MYO19: variants seen among roughly 807,000 people sequenced by gnomAD.
The protein encoded by MYO19 is myosin XIX.
Under a neutral mutation model 129.2 loss-of-function variants are expected in MYO19, and 132 were observed. The ratio of observed to expected loss-of-function variants is 1.02; its 90% CI spans 0.89 to 1.18. MYO19 has a LOEUF of 1.18. Among genes scored for constraint, MYO19 ranks in the 50% most tolerant of loss-of-function variants. The pLI, the probability that MYO19 is intolerant of heterozygous loss-of-function variation, is 0.00. For missense variants in MYO19, 1,210 were observed against 1,216.7 expected (o/e 0.99, Z 0.08); for synonymous variants, 531 against 477.2 (o/e 1.11, Z -1.47).
chr17:36,511,289 C>T, intron 12 of MYO19, 76 bp downstream of exon 12: 1 of 1,476,710 alleles, frequency 6.8e-7, no homozygotes, highest in Non-Finnish European at 9.3e-7. Flanking sequence ...TTTCACCATC[C>T]AGCCTTCCAC....
At chr17:36,539,946 A>T (rs1361636198) in intron 2 of MYO19, among the ~76,000 whole-genome samples, 1 of 149,316 alleles carries the variant, frequency 6.7e-6, no homozygotes, top group African/African-American at 2.5e-5. Context: ...ATAAAGTCTT[A>T]TGTGTCTGGG....
At chr17:36,513,017 G>A (rs2072471668) in intron 11 of MYO19, 3 of 977,618 alleles carry the variant, frequency 3.1e-6, no homozygotes, top group Non-Finnish European at 2.6e-6. Context: ...TACCTCTCTG[G>A]TTTTCTCAGG....
At position 36,518,795 on chromosome 17, in the gene MYO19, T is replaced by C. The variant is rs9905964; in HGVS notation, c.415-2805A>G. On this transcript the variant is annotated intron_variant, in intron 6 of 25. Transcript: ENST00000614623. ...ACCCAGGCATAGTGAGATAGATAGATAGACAGATAGATAGATTTTTTTTCT... is the reference window on the plus strand; with the variant it reads ...ACCCAGGCATAGTGAGATAGATAGACAGACAGATAGATAGATTTTTTTTCT... Among the ~76,000 whole-genome samples, 73 of 151,296 alleles carry C rather than the reference T, an allele frequency of 4.8e-4. No homozygotes were observed. The South Asian group carries it at 0.012, about 24-fold the overall frequency.
chr17:36,526,050 G>C (rs1395862522), intron 5 of MYO19, among the ~76,000 whole-genome samples: 1 of 152,124 alleles, frequency 6.6e-6, no homozygotes, highest in African/African-American at 2.4e-5. Context: ...AGCCAGCAGT[G>C]ATCACTTACC....
chr17:36,503,434 C>A (rs947318663), intron 20 of MYO19, among the ~76,000 whole-genome samples: 1 of 152,248 alleles, frequency 6.6e-6, no homozygotes, highest in Non-Finnish European at 1.5e-5. Flanking sequence ...CTGCCTTGGT[C>A]TACCAACACA....
chr17:36,505,185 G>T, intron 19 of MYO19, 112 bp downstream of exon 19: 1 of 974,474 alleles, frequency 1.0e-6, no homozygotes, highest in South Asian at 1.3e-5. Flanking sequence ...GGCCTGGCCG[G>T]AGAGACCACT....
intron 3 of MYO19, among the ~76,000 whole-genome samples, chr17:36,532,033 G>T (rs1177055030): frequency 1.3e-5 from 2 of 152,144 alleles, no homozygotes; most frequent in Non-Finnish European, 2.9e-5. Flanking sequence ...GCAGAGACAT[G>T]GGGATCATGT....
At chr17:36,513,992 G>A (rs1022380798) in intron 9 of MYO19, among the ~76,000 whole-genome samples, 5 of 152,322 alleles carry the variant, frequency 3.3e-5, no homozygotes, top group South Asian at 2.1e-4. Flanking sequence ...GGAGTCCGTC[G>A]TCTTGACGTG....
At chr17:36,542,604 C>G (rs547591049) in intron 1 of MYO19, among the ~76,000 whole-genome samples, 15 of 151,190 alleles carry the variant, frequency 9.9e-5, no homozygotes, top group African/African-American at 3.4e-4. Flanking sequence ...GAGGCTGAGG[C>G]AGGAGAATGG....
At chr17:36,506,901 G>A (rs772498432) in intron 17 of MYO19, 62 bp downstream of exon 17, 3 of 1,458,086 alleles carry the variant, frequency 2.1e-6, no homozygotes, top group Admixed American at 2.5e-5. Context: ...TACTATGTCT[G>A]CATAGCAAAG....
chr17:36,502,153 G>A (rs1474926318), intron 21 of MYO19, among the ~76,000 whole-genome samples: 1 of 152,174 alleles, frequency 6.6e-6, no homozygotes, highest in East Asian at 1.9e-4. Flanking sequence ...GCCGAGGCGG[G>A]GCCCCCCGGC....
chr17:36,510,843 T>C lies in MYO19; in HGVS notation c.1060A>G (p.Ile354Val). ...ACCTGCTGCTGTCTGCCTGCCCTGA[T>C]GGTTCTAATCTGCACCATCTCCAGC... Reference protein sequence around the residue: ...VLLEMVQIRTIRAGRQQQVFR... With the variant: ...VLLEMVQIRTVRAGRQQQVFR... The change falls in exon 13 of 26, where the codon ATC becomes GTC. Residue 354 changes from isoleucine to valine, a missense_variant. Ile to Val is a conservative substitution (Grantham distance 29). Coordinates refer to ENST00000614623, the MANE Select transcript of MYO19 (RefSeq NM_001163735.2). The C allele has an allele frequency of 6.3e-7, 1 of 1,581,710 alleles. No homozygotes were observed. Among genetic ancestry groups the C allele is most frequent in the Non-Finnish European group, 8.6e-7 (1 of 1,163,812 alleles).
chr17:36,528,149 TTC>T lies in MYO19; in HGVS notation c.64_65del (p.Glu22ArgfsTer17), dbSNP rs749565172. 2.7e-5 allele frequency: 44 copies of T among 1,611,238 alleles called. 1 individual carries two copies. The South Asian group carries it at 4.8e-4, about 17-fold the overall frequency. The stretch of plus-strand genomic sequence containing the variant: ...CCCCACCCAGGAACTCCTGCAGGTC[TTC>T]TCTGAGGTACTCCCTGGCTTGGCCA... Reference protein sequence around the residue: ...SDGQAREYLREDLQEFLGGEV... With the variant: ...SDGQAREYLRXDLQEFLGGEV... On this transcript the variant is annotated frameshift_variant, in exon 4 of 26. Coordinates refer to ENST00000614623, the MANE Select transcript of MYO19 (RefSeq NM_001163735.2). LOFTEE classifies it high-confidence loss of function.
At chr17:36,503,266 C>A in intron 20 of MYO19, 66 bp from the exon 21 acceptor site, 2 of 1,297,204 alleles carry the variant, frequency 1.5e-6, no homozygotes, top group Non-Finnish European at 2.2e-6. Context: ...CGGTTCAGGG[C>A]TCATCAGAAG....
In MYO19 at chr17:36,534,035, A is replaced by C. The variant is rs1470634349; in HGVS notation, c.-226T>G. 1 of 152,334 alleles carries C rather than the reference A, an allele frequency of 6.6e-6. No homozygotes were observed. Among genetic ancestry groups the C allele is most frequent in the Non-Finnish European group, 1.5e-5 (1 of 68,108 alleles). The allele number at this position is 152,334 out of a possible 1,614,324, so 9.4% of individuals were successfully genotyped here. On this transcript the variant is annotated 5_prime_UTR_variant, in exon 2 of 26. Coordinates refer to ENST00000614623, the MANE Select transcript of MYO19 (RefSeq NM_001163735.2). The stretch of plus-strand genomic sequence containing the variant: ...AAGTGAGATTAGAGCAGTTTTCTCC[A>C]GTTCTCCCAGCTCCTGCTCCAGTCG...
chr17:36,544,579 G>C (rs2074226278), upstream of MYO19, among the ~76,000 whole-genome samples: 1 of 152,202 alleles, frequency 6.6e-6, no homozygotes, highest in South Asian at 2.1e-4. Context: ...ATTCCCCTTT[G>C]AGAGGAGGCA....
In MYO19 at chr17:36,495,952, A is replaced by G. The variant is rs2070929487; in HGVS notation, c.*299T>C. ...TGGAATTGGGATCCCCAGTGTAGTGACAGACAGTCATGACTGCTGCTGAGT... is the reference window on the plus strand; with the variant it reads ...TGGAATTGGGATCCCCAGTGTAGTGGCAGACAGTCATGACTGCTGCTGAGT... On this transcript the variant is annotated 3_prime_UTR_variant, in exon 26 of 26. Transcript: ENST00000614623. 4.2e-6 allele frequency: 4 copies of G among 953,772 alleles called. No homozygotes were observed. In the East Asian group the frequency reaches 1.3e-4, roughly 30 times the overall value. 59.1% of individuals were successfully genotyped at this position (953,772 alleles called of 1,614,324 possible).
In MYO19 at chr17:36,514,593, C is replaced by T. The variant is rs199880116; in HGVS notation, c.618-45G>A. 3.8e-5 allele frequency: 50 copies of T among 1,311,418 alleles called. 1 individual carries two copies. The Admixed American group carries it at 4.6e-4, about 12-fold the overall frequency. 81.2% of individuals were successfully genotyped at this position (1,311,418 alleles called of 1,614,324 possible). On this transcript the variant is annotated intron_variant, in intron 8 of 25. Coordinates refer to ENST00000614623, the MANE Select transcript of MYO19 (RefSeq NM_001163735.2). ...GAGCCCGTTAGTTGCCCATTCATTC[C>T]ATAGCCATGTCTGGCAATCTGGGTG...
chr17:36,512,841 C>T, intron 11 of MYO19: 1 of 1,230,240 alleles, frequency 8.1e-7, no homozygotes, highest in South Asian at 1.4e-5. Flanking sequence ...GAAGGGAGGC[C>T]CCCCTAGTGT....
Sources: allele counts gnomAD v4.1 joint callset (sites outside exome capture counted in the v4.1 genomes callset), GRCh38; gene constraint gnomAD v4.1.1; transcripts MANE v1.5; gene names NCBI Gene and HGNC (gene_info 2026-07-23, HGNC 2026-07-21).